RNGTT: variants seen among roughly 807,000 people sequenced by gnomAD.
RNGTT encodes the protein RNA guanylyltransferase and 5'-phosphatase.
RNGTT carries 33 observed loss-of-function variants against 79.3 expected under a neutral mutation model. That is an observed-to-expected ratio of 0.42 (90% CI 0.32 to 0.56). RNGTT has a LOEUF of 0.56. Ranked by LOEUF, RNGTT falls within the 20% of genes least tolerant of loss-of-function variation. The pLI is 0.17. For missense variants in RNGTT, 497 were observed against 739.1 expected (o/e 0.67, Z 3.80); for synonymous variants, 222 against 235.9 (o/e 0.94, Z 0.54).
At chr6:88,827,294 C>T (rs1432616539) in intron 11 of RNGTT, among the ~76,000 whole-genome samples, 1 of 152,112 alleles carries the variant, frequency 6.6e-6, no homozygotes, top group Non-Finnish European at 1.5e-5. Context: ...GGGGTTTGGG[C>T]ACTCTCTCCC....
chr6:88,762,932 C>T (rs1778318690), intron 13 of RNGTT, among the ~76,000 whole-genome samples: 1 of 151,438 alleles, frequency 6.6e-6, no homozygotes, highest in Non-Finnish European at 1.5e-5. Context: ...TTTTCTTTTT[C>T]CTTTTTTTTA....
chr6:88,936,214 G>A (rs781740531), intron 2 of RNGTT, among the ~76,000 whole-genome samples: 1 of 152,202 alleles, frequency 6.6e-6, no homozygotes, highest in Admixed American at 6.5e-5. Context: ...GGTCAAAGGT[G>A]TGACCCACTG....
chr6:88,746,899 C>T (rs1777677954), intron 13 of RNGTT, among the ~76,000 whole-genome samples: 1 of 152,300 alleles, frequency 6.6e-6, no homozygotes, highest in East Asian at 1.9e-4. Context: ...TGACACAACA[C>T]ATCAAAGTGA....
At position 88,870,878 on chromosome 6, in the gene RNGTT, T is replaced by C. The variant is rs1451702154; in HGVS notation, c.897-17114A>G. Among the ~76,000 whole-genome samples the C allele has an allele frequency of 2.0e-5, 3 of 152,204 alleles. No individual in the cohort carries two copies. In the East Asian group the frequency reaches 5.8e-4, roughly 29 times the overall value. On this transcript the variant is annotated intron_variant, in intron 8 of 15. Coordinates refer to ENST00000369485, the MANE Select transcript of RNGTT (RefSeq NM_003800.5). ...GCACTGGATACCATTAGAATTCTAC[T>C]GCTTCACAAAAGCAGTCTGAATTAA...
At position 88,921,765 on chromosome 6, in the gene RNGTT, A is replaced by G. The variant is rs1284428249; in HGVS notation, c.367+7220T>C. On this transcript the variant is annotated intron_variant, in intron 4 of 15. Coordinates refer to ENST00000369485, the MANE Select transcript of RNGTT (RefSeq NM_003800.5). ...AGTAAATTGGCCTTCCTATATCTGT[A>G]TTAAAAATATTTGGGAAAAAACTCA... is the stretch of plus-strand genomic sequence containing the variant. Among the ~76,000 whole-genome samples the G allele has an allele frequency of 2.0e-5, 3 of 152,054 alleles. 1 individual carries two copies. Among genetic ancestry groups the G allele is most frequent in the African/African-American group, 7.2e-5 (3 of 41,408 alleles).
At chr6:88,863,555 G>A (rs1782078509) in intron 8 of RNGTT, among the ~76,000 whole-genome samples, 1 of 152,088 alleles carries the variant, frequency 6.6e-6, no homozygotes, top group African/African-American at 2.4e-5. Context: ...TCTATTAACA[G>A]ATTATTAATC....
chr6:88,800,742 C>G (rs1779758387), intron 12 of RNGTT, among the ~76,000 whole-genome samples: 1 of 152,232 alleles, frequency 6.6e-6, no homozygotes, highest in South Asian at 2.1e-4. Context: ...TCCTCCTCTA[C>G]AGGCCACATT....
chr6:88,692,791 C>A (rs1005969137), intron 13 of RNGTT, among the ~76,000 whole-genome samples: 16 of 151,878 alleles, frequency 1.1e-4, no homozygotes, highest in African/African-American at 3.9e-4. Flanking sequence ...TCAATTATTC[C>A]TCAAACCTGT....
rs549235366 is a variant in RNGTT at position 88,893,768 on chromosome 6, T to C, written c.685-1853A>G. On this transcript the variant is annotated intron_variant, in intron 6 of 15. Transcript: ENST00000369485. ...CATCAACTTCTTTTTTAACTTCCTCTATTTTCTTCCACAACAAATAAGTAA... is the reference window on the plus strand; with the variant it reads ...CATCAACTTCTTTTTTAACTTCCTCCATTTTCTTCCACAACAAATAAGTAA... 2.6e-5 allele frequency among the ~76,000 whole-genome samples: 4 copies of C among 152,210 alleles called. No individual in the cohort carries two copies. The East Asian group carries it at 7.7e-4, about 29-fold the overall frequency.
At chr6:88,749,868 C>T (rs925437164) in intron 13 of RNGTT, among the ~76,000 whole-genome samples, 1 of 152,270 alleles carries the variant, frequency 6.6e-6, no homozygotes, top group East Asian at 1.9e-4. Context: ...ATGTTCCCTC[C>T]AACACCTGTA....
chr6:88,701,114 A>G (rs1775930393), intron 13 of RNGTT, among the ~76,000 whole-genome samples: 1 of 152,000 alleles, frequency 6.6e-6, no homozygotes, highest in South Asian at 2.1e-4. Context: ...GAAGAAGAAG[A>G]AAGAAGAGAA....
At chr6:88,867,628 T>A (rs934559778) in intron 8 of RNGTT, among the ~76,000 whole-genome samples, 6 of 152,186 alleles carry the variant, frequency 3.9e-5, no homozygotes, top group African/African-American at 1.2e-4. Context: ...TCAATAGATT[T>A]TCTCTTCTTA....
At chr6:88,860,025 C>G (rs1015418584) in intron 8 of RNGTT, among the ~76,000 whole-genome samples, 1 of 152,138 alleles carries the variant, frequency 6.6e-6, no homozygotes, top group Non-Finnish European at 1.5e-5. Context: ...TTTAAAAGTT[C>G]ATCACCACAT....
chr6:88,634,210 A>G (rs77892810), intron 14 of RNGTT, among the ~76,000 whole-genome samples: 1,770 of 152,292 alleles, frequency 0.012, 30 homozygotes, highest in African/African-American at 0.04. Context: ...TTAACTCTTC[A>G]CATTTTTATA....
At chr6:88,768,297 A>G (rs1342994228) in intron 13 of RNGTT, among the ~76,000 whole-genome samples, 2 of 152,002 alleles carry the variant, frequency 1.3e-5, no homozygotes, top group African/African-American at 2.4e-5. Context: ...TTTTAGAAAC[A>G]GGGCCTCCTT....
chr6:88,632,441 T>C (rs1057129479), intron 14 of RNGTT, among the ~76,000 whole-genome samples: 4 of 152,104 alleles, frequency 2.6e-5, no homozygotes, highest in Admixed American at 2.6e-4. Context: ...GGTATAACTT[T>C]GCAGGGCAAA....
intron 14 of RNGTT, among the ~76,000 whole-genome samples, chr6:88,639,062 A>G (rs576436149): frequency 6.6e-6 from 1 of 152,314 alleles, no homozygotes; most frequent in South Asian, 2.1e-4. Context: ...AAATGATGTC[A>G]AAGATGTCAC....
chr6:88,693,935 C>G (rs550071264), intron 13 of RNGTT, among the ~76,000 whole-genome samples: 1 of 152,104 alleles, frequency 6.6e-6, no homozygotes, highest in African/African-American at 2.4e-5. Context: ...CAAATAGGTA[C>G]GAATAAAATG....
chr6:88,744,004 TG>T lies in RNGTT; in HGVS notation c.1439+25769del, dbSNP rs1390889430. 3.3e-5 allele frequency among the ~76,000 whole-genome samples: 5 copies of T among 152,308 alleles called. No homozygotes were observed. The South Asian group carries it at 8.3e-4, about 25-fold the overall frequency. The stretch of plus-strand genomic sequence containing the variant: ...CTTAGTATAAAGCCTAAAAACATTT[TG>T]TTGGTACTCTTCACCTTTTTTCCCC... On this transcript the variant is annotated intron_variant, in intron 13 of 15. Transcript: ENST00000369485.
Sources: allele counts gnomAD v4.1 joint callset (sites outside exome capture counted in the v4.1 genomes callset), GRCh38; gene constraint gnomAD v4.1.1; transcripts MANE v1.5; gene names NCBI Gene and HGNC (gene_info 2026-07-23, HGNC 2026-07-21).